Variants in MAP2 observed in about 807,000 individuals in gnomAD.
MAP2 encodes the protein microtubule-associated protein 2.
Under a neutral mutation model 137.6 loss-of-function variants are expected in MAP2, and 14 were observed. The ratio of observed to expected loss-of-function variants is 0.10; its 90% CI spans 0.07 to 0.16. The LOEUF is 0.16. Ranked by LOEUF, MAP2 falls within the 10% of genes least tolerant of loss-of-function variation. MAP2 has a pLI of 1.00. For missense variants in MAP2, 2,088 were observed against 2,191.5 expected (o/e 0.95, Z 0.94); for synonymous variants, 786 against 782.3 (o/e 1.00, Z -0.08).
intron 3 of MAP2, among the ~76,000 whole-genome samples, chr2:209,607,275 G>A (rs2153476152): frequency 6.6e-6 from 1 of 152,266 alleles, no homozygotes; most frequent in Non-Finnish European, 1.5e-5. Flanking sequence ...CTGAAATACT[G>A]GGAGAAACAA....
At chr2:209,592,910 C>T (rs2079650025) in intron 3 of MAP2, among the ~76,000 whole-genome samples, 1 of 152,090 alleles carries the variant, frequency 6.6e-6, no homozygotes, top group Non-Finnish European at 1.5e-5. Flanking sequence ...ACTTCCAGAA[C>T]CTATAATGTC....
intron 11 of MAP2, chr2:209,704,474 G>T (rs765681710): frequency 6.2e-7 from 1 of 1,607,956 alleles, no homozygotes; most frequent in Admixed American, 1.7e-5. Flanking sequence ...AAAGATTCCT[G>T]CTTTACAGGG....
chr2:209,464,835 T>A (rs11896606), intron 1 of MAP2, among the ~76,000 whole-genome samples: 1,589 of 152,232 alleles, frequency 0.01, 28 homozygotes, highest in African/African-American at 0.037. Context: ...GAAATCATCT[T>A]GTAACATCTT....
intron 3 of MAP2, among the ~76,000 whole-genome samples, chr2:209,609,356 T>A (rs2086009737): frequency 6.6e-6 from 1 of 152,178 alleles, no homozygotes. Flanking sequence ...TGAGATATAA[T>A]TCACATATAA....
intron 10 of MAP2, among the ~76,000 whole-genome samples, chr2:209,697,303 T>A (rs532285481): frequency 6.6e-6 from 1 of 152,284 alleles, no homozygotes; most frequent in South Asian, 2.1e-4. Context: ...TGTGCTCTAG[T>A]GTCACGTTCT....
intron 2 of MAP2, among the ~76,000 whole-genome samples, chr2:209,576,961 C>A (rs556323292): frequency 3.0e-4 from 46 of 152,108 alleles, no homozygotes; most frequent in Non-Finnish European, 6.5e-4. Flanking sequence ...TATTAAATGA[C>A]CTCCAGAGAG....
At chr2:209,604,409 T>G (rs537140527) in intron 3 of MAP2, among the ~76,000 whole-genome samples, 1 of 152,228 alleles carries the variant, frequency 6.6e-6, no homozygotes, top group East Asian at 1.9e-4. Context: ...AATCATGAAT[T>G]GTAGCAAAAA....
intron 4 of MAP2, among the ~76,000 whole-genome samples, chr2:209,638,962 G>T (rs1446181060): frequency 6.6e-6 from 1 of 152,008 alleles, no homozygotes; most frequent in South Asian, 2.1e-4. Flanking sequence ...TTAAATGAAG[G>T]CCTGATACAT....
intron 3 of MAP2, among the ~76,000 whole-genome samples, chr2:209,581,716 A>G (rs1420418448): frequency 6.6e-6 from 1 of 152,150 alleles, no homozygotes; most frequent in East Asian, 1.9e-4. Flanking sequence ...GAACTTTAGG[A>G]TATGTGTATG....
intron 4 of MAP2, among the ~76,000 whole-genome samples, chr2:209,632,378 GAGA>G (rs945772772): frequency 6.6e-6 from 1 of 152,126 alleles, no homozygotes. Flanking sequence ...AGAGAAAAAT[GAGA>G]AGGATATTTA....
chr2:209,457,016 G>A lies in MAP2; in HGVS notation c.-222+32740G>A, dbSNP rs79297912. ...ACATGCACAGATCAAAAGAAATTAG[G>A]TGGATCACTTTAAGGAGAACCCCAT... On this transcript the variant is annotated intron_variant, in intron 1 of 15. Transcript: ENST00000682079. Among the ~76,000 whole-genome samples, 783 of 152,218 alleles carry A rather than the reference G, an allele frequency of 5.1e-3. 8 individuals carry two copies. The highest frequency in any genetic ancestry group is 0.017 in the African/African-American group (709 of 41,532).
intron 4 of MAP2, among the ~76,000 whole-genome samples, chr2:209,641,249 A>G (rs1054281276): frequency 9.2e-5 from 14 of 152,128 alleles, no homozygotes; most frequent in Admixed American, 2.0e-4. Context: ...ATTTACTTTT[A>G]TGGTATTTTG....
At chr2:209,623,164 G>C (rs951022939) in intron 3 of MAP2, among the ~76,000 whole-genome samples, 7 of 151,920 alleles carry the variant, frequency 4.6e-5, no homozygotes, top group African/African-American at 1.7e-4. Context: ...TAAATGTTTT[G>C]AGCTTTGCAG....
chr2:209,653,566 A>G (rs1232063681), intron 5 of MAP2, 134 bp downstream of exon 5: 2 of 882,512 alleles, frequency 2.3e-6, no homozygotes, highest in Non-Finnish European at 3.2e-6. Flanking sequence ...GTCAGAGGAA[A>G]TAAAAGAAGA....
chr2:209,621,143 C>T lies in MAP2; in HGVS notation c.-106-3910C>T, dbSNP rs186929312. Among the ~76,000 whole-genome samples, 611 of 150,116 alleles carry T rather than the reference C, an allele frequency of 4.1e-3. 5 individuals carry two copies. The highest frequency in any genetic ancestry group is 0.014 in the African/African-American group (573 of 40,970). On this transcript the variant is annotated intron_variant, in intron 3 of 15. Transcript: ENST00000682079. ...CCTGGAGGCGGAGGTTGCAGTGAGCCGAGATCACGCCATTGCACTCTAGCC... is the reference window on the plus strand; with the variant it reads ...CCTGGAGGCGGAGGTTGCAGTGAGCTGAGATCACGCCATTGCACTCTAGCC...
intron 1 of MAP2, among the ~76,000 whole-genome samples, chr2:209,449,936 A>C (rs1418843697): frequency 6.6e-6 from 1 of 151,832 alleles, no homozygotes; most frequent in Non-Finnish European, 1.5e-5. Context: ...ATTTTCTTTT[A>C]TTCTATTTTA....
chr2:209,517,794 G>A (rs1186634156), intron 2 of MAP2, among the ~76,000 whole-genome samples: 2 of 151,808 alleles, frequency 1.3e-5, no homozygotes. Context: ...GGGGGAAGAA[G>A]TATGCTCAAA....
At chr2:209,637,520 T>A (rs947758390) in intron 4 of MAP2, among the ~76,000 whole-genome samples, 40 of 151,460 alleles carry the variant, frequency 2.6e-4, no homozygotes, top group Non-Finnish European at 5.9e-5. Context: ...TAGGATGAGA[T>A]GAGATAAGAT....
chr2:209,681,753 GA>G (rs2054657492), intron 7 of MAP2, among the ~76,000 whole-genome samples: 1 of 151,952 alleles, frequency 6.6e-6, no homozygotes, highest in African/African-American at 2.4e-5. Context: ...AAAGACTGAA[GA>G]ACATTTATTT....
Sources: allele counts gnomAD v4.1 joint callset (sites outside exome capture counted in the v4.1 genomes callset), GRCh38; gene constraint gnomAD v4.1.1; transcripts MANE v1.5; gene names NCBI Gene and HGNC (gene_info 2026-07-23, HGNC 2026-07-21).